HEMK2: variants seen among roughly 807,000 people sequenced by gnomAD.
HEMK2 encodes the protein HemK methyltransferase 2, ETF1 glutamine and histone H4 lysine.
the HEMK2 span, among the ~76,000 whole-genome samples, chr21:28,672,932 C>T: frequency 5.1e-5 from 7 of 137,256 alleles, no homozygotes; most frequent in South Asian, 2.3e-4. Flanking sequence ...ACATGATAAA[C>T]GCAAAAAGAA....
At chr21:28,866,858 CAG>C in the HEMK2 span, among the ~76,000 whole-genome samples, 2 of 152,118 alleles carry the variant, frequency 1.3e-5, no homozygotes, top group Non-Finnish European at 2.9e-5. Flanking sequence ...AAAAAGACAA[CAG>C]AAATCTGATA....
the HEMK2 span, among the ~76,000 whole-genome samples, chr21:28,581,199 T>C: frequency 1.3e-5 from 2 of 151,636 alleles, no homozygotes; most frequent in African/African-American, 4.9e-5. Flanking sequence ...AGTGGATTCA[T>C]TATCAGTTTG....
the HEMK2 span, among the ~76,000 whole-genome samples, chr21:28,882,484 C>T: frequency 2.0e-5 from 3 of 152,152 alleles, no homozygotes; most frequent in Non-Finnish European, 4.4e-5. Context: ...CATGCACAGA[C>T]ATCTGAAGGA....
At chr21:28,758,984 G>A in the HEMK2 span, among the ~76,000 whole-genome samples, 1 of 152,176 alleles carries the variant, frequency 6.6e-6, no homozygotes, top group Admixed American at 6.5e-5. Context: ...GGCATAGCTG[G>A]TTTTCAAAAT....
chr21:28,625,667 G>A, the HEMK2 span, among the ~76,000 whole-genome samples: 14,315 of 151,954 alleles, frequency 0.094, 947 homozygotes, highest in East Asian at 0.33. Flanking sequence ...GCTGGGACCC[G>A]GGGCCATGCC....
the HEMK2 span, among the ~76,000 whole-genome samples, chr21:28,593,120 C>T: frequency 6.6e-5 from 10 of 152,072 alleles, no homozygotes; most frequent in East Asian, 1.9e-4. Context: ...TGCTTGAACC[C>T]GGGAGGTGGA....
the HEMK2 span, among the ~76,000 whole-genome samples, chr21:28,863,377 G>A: frequency 7.6e-6 from 1 of 132,000 alleles, no homozygotes; most frequent in African/African-American, 3.0e-5. Context: ...AGGACCTTGT[G>A]ATTGTGTGAG....
At chr21:28,595,024 AT>A in the HEMK2 span, among the ~76,000 whole-genome samples, 6 of 152,092 alleles carry the variant, frequency 3.9e-5, no homozygotes, top group African/African-American at 1.4e-4. Context: ...AGCAGTTATT[AT>A]TTTTTCAATT....
At chr21:28,882,370 G>T in the HEMK2 span, 1 of 658,482 alleles carries the variant, frequency 1.5e-6, no homozygotes, top group South Asian at 1.9e-5. Context: ...AAAAAAATTA[G>T]AACGTATTCA....
At chr21:28,683,242 G>C in the HEMK2 span, among the ~76,000 whole-genome samples, 1 of 151,966 alleles carries the variant, frequency 6.6e-6, no homozygotes, top group Non-Finnish European at 1.5e-5. Flanking sequence ...ATTTTGGCAA[G>C]CATAAACACT....
chr21:28,717,666 G>C, the HEMK2 span, among the ~76,000 whole-genome samples: 1 of 151,908 alleles, frequency 6.6e-6, no homozygotes, highest in Non-Finnish European at 1.5e-5. Context: ...TTTTAGTAGA[G>C]ACAGGGTTTC....
chr21:28,672,950 A>G, the HEMK2 span, among the ~76,000 whole-genome samples: 1 of 150,650 alleles, frequency 6.6e-6, no homozygotes, highest in Non-Finnish European at 1.5e-5. Flanking sequence ...GAAGGAAGGC[A>G]GAGAGAGAGA....
the HEMK2 span, among the ~76,000 whole-genome samples, chr21:28,609,328 A>G: frequency 6.6e-6 from 1 of 152,156 alleles, no homozygotes; most frequent in Non-Finnish European, 1.5e-5. Flanking sequence ...GTTCTCAGGA[A>G]GCCCACCCCT....
the HEMK2 span, among the ~76,000 whole-genome samples, chr21:28,878,576 A>C: frequency 1.3e-5 from 2 of 150,572 alleles, no homozygotes; most frequent in African/African-American, 4.9e-5. Flanking sequence ...GAATAGTTCC[A>C]TATGTACAAT....
At chr21:28,859,567 A>C in the HEMK2 span, among the ~76,000 whole-genome samples, 3 of 152,118 alleles carry the variant, frequency 2.0e-5, no homozygotes, top group Non-Finnish European at 4.4e-5. Context: ...TGCTCTTCTA[A>C]CAATTCTCTT....
At chr21:28,601,559 C>T in the HEMK2 span, among the ~76,000 whole-genome samples, 2 of 150,430 alleles carry the variant, frequency 1.3e-5, no homozygotes, top group Non-Finnish European at 1.5e-5. Flanking sequence ...CTATCTCCTC[C>T]CTTGGTTTTA....
the HEMK2 span, among the ~76,000 whole-genome samples, chr21:28,660,630 T>C: frequency 2.0e-5 from 3 of 151,994 alleles, no homozygotes; most frequent in South Asian, 4.1e-4. Flanking sequence ...TGTGGTGTAA[T>C]ATATTGTTAT....
chr21:28,736,602 TAAAAATAG>T, the HEMK2 span, among the ~76,000 whole-genome samples: 1 of 152,100 alleles, frequency 6.6e-6, no homozygotes, highest in Admixed American at 6.6e-5. Context: ...TGGTCTGTAC[TAAAAATAG>T]AAAAATTAGC....
chr21:28,785,278 A>G, the HEMK2 span, among the ~76,000 whole-genome samples: 1 of 152,226 alleles, frequency 6.6e-6, no homozygotes, highest in Non-Finnish European at 1.5e-5. Flanking sequence ...ACACAATATC[A>G]TTACTCAAAA....
Sources: allele counts gnomAD v4.1 joint callset (sites outside exome capture counted in the v4.1 genomes callset), GRCh38; gene constraint gnomAD v4.1.1; transcripts MANE v1.5; gene names NCBI Gene and HGNC (gene_info 2026-07-23, HGNC 2026-07-21).